The following CACNA2D1 variants were observed in gnomAD, a reference collection of about 807,000 sequenced individuals.
CACNA2D1 encodes voltage-dependent calcium channel subunit alpha-2/delta-1.
A neutral mutation model predicts 171.5 loss-of-function variants in CACNA2D1; 53 were observed. The observed-to-expected ratio is 0.31, with a 90% confidence interval of 0.25 to 0.39. The LOEUF is 0.39. CACNA2D1 is among the 10% of genes least tolerant of loss of function. CACNA2D1 has a pLI of 1.00. For synonymous variants in CACNA2D1, 442 were observed against 443.1 expected, an observed-to-expected ratio of 1.00 and a Z score of 0.03; for missense variants, 903 against 1,299.8, an observed-to-expected ratio of 0.69 and a Z score of 4.69.
At position 82,139,826 on chromosome 7, in the gene CACNA2D1, C is replaced by T. The variant is rs543760436; in HGVS notation, c.355-3150G>A. ...TTGAGATGAAGTCTCGCTCTATCGC[C>T]CAGGCTGGAGTGCAATGGCATGATC... On this transcript the variant is annotated intron_variant, in intron 4 of 38. Transcript: ENST00000356860. Among the ~76,000 whole-genome samples the T allele has an allele frequency of 2.9e-3, 443 of 151,224 alleles. 5 individuals carry two copies. The highest frequency in any genetic ancestry group is 0.028 in the South Asian group (134 of 4,788).
At chr7:82,419,559 T>C (rs549195455) in intron 1 of CACNA2D1, among the ~76,000 whole-genome samples, 1 of 152,326 alleles carries the variant, frequency 6.6e-6, no homozygotes, top group South Asian at 2.1e-4. Flanking sequence ...CCCCTGGACA[T>C]TTGACTGTAC....
intron 2 of CACNA2D1, 25 bp from the exon 3 acceptor site, chr7:82,335,276 G>T: frequency 7.9e-7 from 1 of 1,271,770 alleles, no homozygotes; most frequent in Non-Finnish European, 1.1e-6. Context: ...AAAAAAACTA[G>T]TAAGAACAAT....
intron 3 of CACNA2D1, among the ~76,000 whole-genome samples, chr7:82,229,560 A>T (rs2129273509): frequency 6.6e-6 from 1 of 152,184 alleles, no homozygotes; most frequent in East Asian, 1.9e-4. Flanking sequence ...TGCTCCTCAA[A>T]CTAATCACAT....
At chr7:82,037,832 T>C (rs369252416) in intron 11 of CACNA2D1, among the ~76,000 whole-genome samples, 1 of 152,216 alleles carries the variant, frequency 6.6e-6, no homozygotes, top group East Asian at 1.9e-4. Context: ...TATTTCCTTA[T>C]AAATTTTTTT....
At chr7:82,257,110 G>C (rs987597154) in intron 3 of CACNA2D1, among the ~76,000 whole-genome samples, 4 of 152,066 alleles carry the variant, frequency 2.6e-5, no homozygotes, top group Admixed American at 2.0e-4. Flanking sequence ...TTTTGTATTT[G>C]TGTCAAGTTT....
chr7:82,292,700 C>T (rs1396762822), intron 3 of CACNA2D1, among the ~76,000 whole-genome samples: 9 of 152,050 alleles, frequency 5.9e-5, no homozygotes, highest in African/African-American at 1.4e-4. Context: ...ATAATTTCTT[C>T]AGTGTTCCCA....
intron 1 of CACNA2D1, among the ~76,000 whole-genome samples, chr7:82,402,996 G>C (rs1327876894): frequency 1.3e-5 from 2 of 151,964 alleles, no homozygotes; most frequent in African/African-American, 4.8e-5. Context: ...ATTAAAAGTA[G>C]GATAAGAAAA....
At chr7:81,951,967 G>GTGTTTTTTTTTTTTTTGTT (rs1562762286) in intron 38 of CACNA2D1, among the ~76,000 whole-genome samples, 17 of 27,526 alleles carry the variant, frequency 6.2e-4, no homozygotes, top group African/African-American at 1.6e-3. Flanking sequence ...AGTGTACAAA[G>GTGTTTTTTTTTTTTTTGTT]TGTTTTTTTT....
intron 6 of CACNA2D1, among the ~76,000 whole-genome samples, chr7:82,085,502 A>G (rs1232841737): frequency 6.6e-6 from 1 of 151,392 alleles, no homozygotes; most frequent in Non-Finnish European, 1.5e-5. Flanking sequence ...GCAGAGCAAC[A>G]TAAATTAGCC....
At chr7:82,391,530 G>A (rs183306898) in intron 1 of CACNA2D1, among the ~76,000 whole-genome samples, 74 of 152,224 alleles carry the variant, frequency 4.9e-4, no homozygotes, top group Non-Finnish European at 8.2e-4. Context: ...ACTTAGATAG[G>A]ATATAGCCCA....
intron 2 of CACNA2D1, among the ~76,000 whole-genome samples, chr7:82,338,960 C>T (rs1818304503): frequency 1.3e-5 from 2 of 152,134 alleles, no homozygotes; most frequent in African/African-American, 2.4e-5. Context: ...AAAGAACCAC[C>T]TACAGCTGAG....
chr7:82,111,345 CATAT>C (rs753098817), intron 6 of CACNA2D1, among the ~76,000 whole-genome samples: 1 of 93,098 alleles, frequency 1.1e-5, no homozygotes, highest in Admixed American at 1.0e-4. Flanking sequence ...TATATATATT[CATAT>C]ATATGTGTAT....
At position 81,970,655 on chromosome 7, in the gene CACNA2D1, C is replaced by G. The variant is rs561340137; in HGVS notation, c.2204+20G>C. ...GTCTTTTGTAATGTACTTGTTTTTACAGATGTTATTTGAACTTACTCTTTG... is the reference window on the plus strand; with the variant it reads ...GTCTTTTGTAATGTACTTGTTTTTAGAGATGTTATTTGAACTTACTCTTTG... On this transcript the variant is annotated intron_variant, in intron 27 of 38. Coordinates refer to ENST00000356860, the MANE Select transcript of CACNA2D1 (RefSeq NM_000722.4). 11 of 1,383,282 alleles carry G rather than the reference C, an allele frequency of 8.0e-6. No individual in the cohort carries two copies. In the East Asian group the frequency reaches 9.2e-5, roughly 12 times the overall value. 85.7% of individuals were successfully genotyped at this position (1,383,282 alleles called of 1,614,324 possible).
At position 82,437,814 on chromosome 7, in the gene CACNA2D1, AG is replaced by A. The variant is rs200908354; in HGVS notation, c.95+5550del. Among the ~76,000 whole-genome samples, 1,031 of 152,300 alleles carry A rather than the reference AG, an allele frequency of 6.8e-3. 7 individuals carry two copies. Among genetic ancestry groups the A allele is most frequent in the African/African-American group, 0.023 (971 of 41,574 alleles). ...ACAAAAGATGTAAAGCCTACAAAGA[AG>A]GGATATTTAAGAGCTTATATTTTAC... On this transcript the variant is annotated intron_variant, in intron 1 of 38. Transcript: ENST00000356860.
chr7:82,196,334 T>C (rs558771602), intron 3 of CACNA2D1, among the ~76,000 whole-genome samples: 1 of 152,110 alleles, frequency 6.6e-6, no homozygotes, highest in African/African-American at 2.4e-5. Flanking sequence ...ACTATGAGGT[T>C]TGGATTTTGT....
chr7:82,402,796 G>A (rs1222108808), intron 1 of CACNA2D1, among the ~76,000 whole-genome samples: 4 of 151,000 alleles, frequency 2.6e-5, no homozygotes, highest in Non-Finnish European at 5.9e-5. Flanking sequence ...CAAGTCAACT[G>A]AATGTTTTAA....
intron 3 of CACNA2D1, among the ~76,000 whole-genome samples, chr7:82,176,145 T>G (rs529947548): frequency 6.6e-6 from 1 of 152,018 alleles, no homozygotes; most frequent in Non-Finnish European, 1.5e-5. Context: ...TGACACCTTA[T>G]TTTTTCTGAA....
At chr7:81,951,092 T>G (rs1044197512) in intron 38 of CACNA2D1, among the ~76,000 whole-genome samples, 1 of 152,058 alleles carries the variant, frequency 6.6e-6, no homozygotes, top group Admixed American at 6.6e-5. Context: ...TTTGGACACA[T>G]ATAGGATTTT....
chr7:82,194,685 GA>G (rs1453565478), intron 3 of CACNA2D1, among the ~76,000 whole-genome samples: 1 of 151,906 alleles, frequency 6.6e-6, no homozygotes, highest in Non-Finnish European at 1.5e-5. Context: ...AACATCTTCA[GA>G]TTTGGGGAAA....
Sources: allele counts gnomAD v4.1 joint callset (sites outside exome capture counted in the v4.1 genomes callset), GRCh38; gene constraint gnomAD v4.1.1; transcripts MANE v1.5; gene names NCBI Gene and HGNC (gene_info 2026-07-23, HGNC 2026-07-21).